IQCH: variants seen among roughly 807,000 people sequenced by gnomAD.
IQCH encodes the protein IQ domain-containing protein H.
IQCH carries 98 observed loss-of-function variants against 117.0 expected under a neutral mutation model. The ratio of observed to expected loss-of-function variants is 0.84; its 90% CI spans 0.71 to 0.99. The LOEUF (loss-of-function observed/expected upper bound fraction) is 0.99. Ranked by LOEUF, IQCH falls within the 50% of genes least tolerant of loss-of-function variation. IQCH has a pLI of 0.00. For synonymous variants in IQCH, 412 were observed against 448.2 expected, an observed-to-expected ratio of 0.92 and a Z score of 1.02; for missense variants, 1,102 against 1,243.8, an observed-to-expected ratio of 0.89 and a Z score of 1.72.
chr15:67,460,139 T>C (rs759280087), intron 16 of IQCH, among the ~76,000 whole-genome samples: 29 of 152,356 alleles, frequency 1.9e-4, no homozygotes, highest in Middle Eastern at 6.8e-3. Flanking sequence ...ATTAATGAGA[T>C]ACTTTGCATT....
At chr15:67,373,221 T>C in intron 9 of IQCH, 146 bp from the exon 10 acceptor site, 1 of 566,054 alleles carries the variant, frequency 1.8e-6, no homozygotes, top group Non-Finnish European at 3.1e-6. Context: ...ATTAAATTAA[T>C]TGGGGAAGAT....
chr15:67,304,528 G>T, intron 4 of IQCH: 1 of 706,966 alleles, frequency 1.4e-6, no homozygotes, highest in South Asian at 2.0e-5. Context: ...AGTGTAAGAT[G>T]TAATGTAGAT....
chr15:67,324,057 T>C (rs1255226492), intron 4 of IQCH, among the ~76,000 whole-genome samples: 1 of 150,236 alleles, frequency 6.7e-6, no homozygotes, highest in Non-Finnish European at 1.5e-5. Flanking sequence ...GGTTCTCCTG[T>C]CTCAGCCTCC....
rs533422356 is a variant in IQCH, at chr15:67,403,388, G to T, written c.2097+3083G>T. ...TGTAGTCACGGTTAAAAAAAAATCA[G>T]TAGAGACATGTAGGTGATTTTTAGG... On this transcript the variant is annotated intron_variant, in intron 14 of 20. Coordinates refer to ENST00000335894, the MANE Select transcript of IQCH (RefSeq NM_001031715.3). This position sits in a 1 kb window ranked among gnomAD's most constrained non-coding sequence, Gnocchi z 4.8. Among the ~76,000 whole-genome samples, 1 of 152,074 alleles carries T rather than the reference G, an allele frequency of 6.6e-6. No individual in the cohort carries two copies. Among genetic ancestry groups the T allele is most frequent in the Non-Finnish European group, 1.5e-5 (1 of 68,022 alleles).
At chr15:67,344,491 T>C (rs778355852) in intron 6 of IQCH, among the ~76,000 whole-genome samples, 2 of 152,246 alleles carry the variant, frequency 1.3e-5, no homozygotes, top group African/African-American at 2.4e-5. Context: ...TGTGGATTTA[T>C]CACTGGGAGT....
chr15:67,414,654 C>T (rs1031502790), intron 14 of IQCH, among the ~76,000 whole-genome samples: 6 of 135,894 alleles, frequency 4.4e-5, no homozygotes, highest in African/African-American at 1.6e-4. Flanking sequence ...TCCCCAACAC[C>T]AAAAAAAAAA....
chr15:67,283,710 A>G (rs774197347), intron 4 of IQCH, among the ~76,000 whole-genome samples: 3 of 152,098 alleles, frequency 2.0e-5, no homozygotes, highest in Non-Finnish European at 2.9e-5. Context: ...TCGATATAAA[A>G]GTAATGGATT....
chr15:67,462,943 T>C (rs2082834251), intron 16 of IQCH, among the ~76,000 whole-genome samples: 1 of 152,216 alleles, frequency 6.6e-6, no homozygotes. Flanking sequence ...TGGCAGTTAG[T>C]TTTTAACAAT....
At chr15:67,461,837 G>A (rs559053383) in intron 16 of IQCH, among the ~76,000 whole-genome samples, 1 of 152,158 alleles carries the variant, frequency 6.6e-6, no homozygotes, top group African/African-American at 2.4e-5. Context: ...AGGTTGAATA[G>A]AACAATTACG....
intron 20 of IQCH, among the ~76,000 whole-genome samples, chr15:67,498,780 A>T (rs2083897119): frequency 6.6e-6 from 1 of 152,194 alleles, no homozygotes; most frequent in Admixed American, 6.5e-5. Flanking sequence ...AAAATAGATA[A>T]ATCAGACCTC....
In IQCH at chr15:67,436,408, G is replaced by C. The variant is rs535614955; in HGVS notation, c.2505+14831G>C. 2.0e-5 allele frequency among the ~76,000 whole-genome samples: 3 copies of C among 152,220 alleles called. No individual in the cohort carries two copies. The highest frequency in any genetic ancestry group is 7.2e-5 in the African/African-American group (3 of 41,548). On this transcript the variant is annotated intron_variant, in intron 16 of 20. Coordinates refer to ENST00000335894, the MANE Select transcript of IQCH (RefSeq NM_001031715.3). This position sits in a 1 kb window ranked among gnomAD's most constrained non-coding sequence, Gnocchi z 5.1. The stretch of plus-strand genomic sequence containing the variant: ...CAGGGGTAGAGGAAGAAGCAGAAAG[G>C]CCCTAGGAGCTCACTGCATCCCCTA...
chr15:67,417,063 T>C lies in IQCH; in HGVS notation c.2218+12T>C. The C allele has an allele frequency of 6.3e-7, 1 of 1,593,748 alleles. No individual in the cohort carries two copies. On this transcript the variant is annotated intron_variant, in intron 15 of 20. Coordinates refer to ENST00000335894, the MANE Select transcript of IQCH (RefSeq NM_001031715.3). The surrounding 1 kb of genome is among the most constrained non-coding windows in gnomAD (Gnocchi z 4.3). ...ATTTCTCAGTCAAGGTAAATAAGACTGTAAAGTTTCTATTGAGGATTAGTC... is the reference window on the plus strand; with the variant it reads ...ATTTCTCAGTCAAGGTAAATAAGACCGTAAAGTTTCTATTGAGGATTAGTC...
Position 67,493,930 on chromosome 15 carries a change from T to C in IQCH, c.2862-328T>C, listed in dbSNP as rs2083733303. ...GGTGTTTGGTTTTCTGTCCTTGCGA[T>C]AGTTTGCTGAGAATGATGGGCTTAA... On this transcript the variant is annotated intron_variant, in intron 19 of 20. Transcript: ENST00000335894. The surrounding 1 kb of genome is among the most constrained non-coding windows in gnomAD (Gnocchi z 5.1). 6.6e-6 allele frequency among the ~76,000 whole-genome samples: 1 copy of C among 152,218 alleles called. No individual in the cohort carries two copies. The highest frequency in any genetic ancestry group is 2.4e-5 in the African/African-American group (1 of 41,454).
At chr15:67,412,681 G>A (rs1368558247) in intron 14 of IQCH, among the ~76,000 whole-genome samples, 2 of 152,130 alleles carry the variant, frequency 1.3e-5, no homozygotes, top group Middle Eastern at 3.2e-3. Flanking sequence ...TTACAGGCAT[G>A]AGCCACCGCG....
chr15:67,446,203 T>C (rs1274130058), intron 16 of IQCH, among the ~76,000 whole-genome samples: 1 of 152,250 alleles, frequency 6.6e-6, no homozygotes, highest in Non-Finnish European at 1.5e-5. Context: ...TATTTTTTAT[T>C]CACTTGTTAA....
intron 4 of IQCH, among the ~76,000 whole-genome samples, chr15:67,312,978 G>C (rs1803537645): frequency 2.0e-5 from 3 of 152,076 alleles, no homozygotes; most frequent in Non-Finnish European, 2.9e-5. Flanking sequence ...CCATAGACTA[G>C]AGTGATTCGC....
chr15:67,493,505 T>C lies in IQCH; in HGVS notation c.2862-753T>C, dbSNP rs1198716783. On this transcript the variant is annotated intron_variant, in intron 19 of 20. Transcript: ENST00000335894. The surrounding 1 kb of genome is among the most constrained non-coding windows in gnomAD (Gnocchi z 5.1). ...TCCTCTGAACATAGGCAGGACACTCTCATTAAGTGATAGGAATCACTTGTA... is the reference window on the plus strand; with the variant it reads ...TCCTCTGAACATAGGCAGGACACTCCCATTAAGTGATAGGAATCACTTGTA... 6.6e-6 allele frequency among the ~76,000 whole-genome samples: 1 copy of C among 152,166 alleles called. No individual in the cohort carries two copies. Among genetic ancestry groups the C allele is most frequent in the Non-Finnish European group, 1.5e-5 (1 of 68,032 alleles).
intron 4 of IQCH, among the ~76,000 whole-genome samples, chr15:67,310,867 G>A (rs1406597903): frequency 6.6e-6 from 1 of 152,084 alleles, no homozygotes; most frequent in African/African-American, 2.4e-5. Flanking sequence ...TGAAAGAGAA[G>A]GGTGGCGAGA....
In IQCH at chr15:67,475,021, T is replaced by C. The variant is rs1469898712; in HGVS notation, c.2677-675T>C. Among the ~76,000 whole-genome samples, 2 of 152,076 alleles carry C rather than the reference T, an allele frequency of 1.3e-5. No individual in the cohort carries two copies. Among genetic ancestry groups the C allele is most frequent in the Non-Finnish European group, 2.9e-5 (2 of 68,020 alleles). ...CCATTACTCCTCGGAACTGTTAAGA[T>C]CATCAAACCACAGGGAAAGTCTGTG... On this transcript the variant is annotated intron_variant, in intron 17 of 20. Coordinates refer to ENST00000335894, the MANE Select transcript of IQCH (RefSeq NM_001031715.3). This position sits in a 1 kb window ranked among gnomAD's most constrained non-coding sequence, Gnocchi z 5.7.
Sources: gnomAD v4.1 joint callset for allele counts (sites outside exome capture counted in the v4.1 genomes callset) on GRCh38, gnomAD v4.1.1 for gene constraint, Gnocchi (gnomAD v3.1) non-coding constraint, MANE v1.5 for transcripts, NCBI Gene and HGNC (gene_info 2026-07-23, HGNC 2026-07-21) for gene names.